The following GOLGA5 variants were observed in gnomAD, a reference collection of about 807,000 sequenced individuals.
GOLGA5 encodes the protein golgin A5.
Under a neutral mutation model 93.5 loss-of-function variants are expected in GOLGA5, and 50 were observed. The observed-to-expected ratio is 0.53, with a 90% CI of 0.43 to 0.68. GOLGA5 has a LOEUF of 0.68. Among genes scored for constraint, GOLGA5 ranks in the 30% least tolerant of loss-of-function variants. The pLI is 0.00. For missense variants in GOLGA5, 760 were observed against 856.4 expected, an observed-to-expected ratio of 0.89 and a Z score of 1.40; for synonymous variants, 312 against 304.5, an observed-to-expected ratio of 1.02 and a Z score of -0.26.
Position 92,838,608 on chromosome 14 carries a change from C to T in GOLGA5, c.2116-758C>T, listed in dbSNP as rs563882905. 7.2e-5 allele frequency among the ~76,000 whole-genome samples: 11 copies of T among 152,190 alleles called. No individual in the cohort carries two copies. In the South Asian group the frequency reaches 1.5e-3, roughly 20 times the overall value. ...CTCAAACTCCTGACCTTGAGTAATC[C>T]GCCCTCTTCGGCCTCCCAAAGTGCT... is the stretch of plus-strand genomic sequence containing the variant. On this transcript the variant is annotated intron_variant, in intron 12 of 12. Transcript: ENST00000163416.
intron 5 of GOLGA5, 26 bp from the exon 6 acceptor site, chr14:92,811,525 A>T: frequency 1.4e-6 from 2 of 1,398,624 alleles, no homozygotes; most frequent in Non-Finnish European, 2.0e-6. Context: ...TGATATCATT[A>T]ATTATGATAT....
chr14:92,809,299 G>T lies in GOLGA5; in HGVS notation c.773-1G>T. The T allele has an allele frequency of 6.3e-7, 1 of 1,597,444 alleles. No homozygotes were observed. The highest frequency in any genetic ancestry group is 1.1e-5 in the South Asian group (1 of 90,636). On this transcript the variant is annotated splice_acceptor_variant, in intron 3 of 12. Transcript: ENST00000163416. LOFTEE classifies it high-confidence loss of function. ...ATAGAGAAATTTAAATTTTTTAATA[G>T]AATTAAACAAAGCAAGAGCAAGAGT...
intron 1 of GOLGA5, among the ~76,000 whole-genome samples, chr14:92,796,410 G>A (rs1335571918): frequency 6.6e-6 from 1 of 152,114 alleles, no homozygotes; most frequent in African/African-American, 2.4e-5. Flanking sequence ...GGCAGAGTTG[G>A]TTTCTTCTGA....
At chr14:92,795,811 A>C (rs1348168023) in intron 1 of GOLGA5, among the ~76,000 whole-genome samples, 1 of 152,256 alleles carries the variant, frequency 6.6e-6, no homozygotes, top group Non-Finnish European at 1.5e-5. Flanking sequence ...GACCTAACTT[A>C]GCTGGAAAGG....
At chr14:92,820,234 A>G (rs1348246301) in intron 8 of GOLGA5, among the ~76,000 whole-genome samples, 2 of 152,246 alleles carry the variant, frequency 1.3e-5, no homozygotes, top group African/African-American at 4.8e-5. Context: ...GAAGGTCAGC[A>G]AGAAAACATG....
intron 8 of GOLGA5, 67 bp downstream of exon 8, chr14:92,819,903 G>GGAAA: frequency 1.3e-6 from 2 of 1,515,832 alleles, no homozygotes; most frequent in Non-Finnish European, 9.0e-7. Context: ...AGACCTCCCA[G>GGAAA]GAAAGCAGCT....
At chr14:92,802,567 A>G (rs1884896347) in intron 2 of GOLGA5, among the ~76,000 whole-genome samples, 3 of 152,062 alleles carry the variant, frequency 2.0e-5, no homozygotes, top group Admixed American at 1.3e-4. Flanking sequence ...ACTAAGTATG[A>G]TTTTACATTA....
Position 92,824,526 on chromosome 14 carries a change from G to T in GOLGA5, c.1621-20G>T. ...GGGACACTTATTTCGCTTCTGTTTTGTTTGTGCCTCACTTTGCAGGAGTTC... is the reference window on the plus strand; with the variant it reads ...GGGACACTTATTTCGCTTCTGTTTTTTTTGTGCCTCACTTTGCAGGAGTTC... On this transcript the variant is annotated intron_variant, in intron 8 of 12. Transcript: ENST00000163416. 7.5e-7 allele frequency: 1 copy of T among 1,332,202 alleles called. No individual in the cohort carries two copies. The highest frequency in any genetic ancestry group is 1.1e-6 in the Non-Finnish European group (1 of 931,694). The allele number at this position is 1,332,202 out of a possible 1,614,324, so 82.5% of individuals were successfully genotyped here.
At chr14:92,800,812 G>A (rs1027798393) in intron 2 of GOLGA5, among the ~76,000 whole-genome samples, 9 of 152,166 alleles carry the variant, frequency 5.9e-5, no homozygotes, top group African/African-American at 1.7e-4. Context: ...GCTTATTTTT[G>A]TACTTTTAAA....
chr14:92,808,257 C>T (rs963730261), intron 3 of GOLGA5, among the ~76,000 whole-genome samples: 1 of 151,792 alleles, frequency 6.6e-6, no homozygotes, highest in African/African-American at 2.4e-5. Context: ...ACAACAACAA[C>T]AACAACAACA....
intron 9 of GOLGA5, among the ~76,000 whole-genome samples, chr14:92,830,421 G>A (rs1002933059): frequency 7.2e-6 from 1 of 138,890 alleles, no homozygotes; most frequent in Non-Finnish European, 1.6e-5. Flanking sequence ...TTTTTTTTTA[G>A]CTTATCAGAT....
rs781111687 is a variant in GOLGA5, at chr14:92,819,794, A to G, written c.1578A>G (p.Ala526=). 19 of 1,614,020 alleles carry G rather than the reference A, an allele frequency of 1.2e-5. No individual in the cohort carries two copies. Residue 526 remains alanine, a synonymous_variant, in exon 8 of 13, where the codon GCA becomes GCG. Coordinates refer to ENST00000163416, the MANE Select transcript of GOLGA5 (RefSeq NM_005113.4). ...ATGACCAAATAGCTGGGCAGAAAGC[A>G]TCCAAACAAGAACTAGAGACAGAAC... The part of the protein sequence containing the change: ...DLHDQIAGQK[A]SKQELETELE...
chr14:92,819,531 C>T (rs906962465), intron 7 of GOLGA5, among the ~76,000 whole-genome samples, 177 bp from the exon 8 acceptor site: 2 of 151,636 alleles, frequency 1.3e-5, no homozygotes, highest in African/African-American at 4.8e-5. Flanking sequence ...ACTCGGGAGG[C>T]TGATGTGGGA....
intron 9 of GOLGA5, among the ~76,000 whole-genome samples, chr14:92,832,329 A>T (rs539955311): frequency 6.6e-6 from 1 of 152,222 alleles, no homozygotes; most frequent in African/African-American, 2.4e-5. Context: ...GCTGTAAGGG[A>T]TTTATAAGAA....
At position 92,797,961 on chromosome 14, in the gene GOLGA5, C is replaced by T; in HGVS notation, c.524C>T (p.Ser175Phe). 1 of 1,585,268 alleles carries T rather than the reference C, an allele frequency of 6.3e-7. No homozygotes were observed. The highest frequency in any genetic ancestry group is 1.9e-5 in the Admixed American group (1 of 51,766). Residue 175 changes from serine to phenylalanine, a missense_variant, in exon 2 of 13, where the codon TCT becomes TTT. Coordinates refer to ENST00000163416, the MANE Select transcript of GOLGA5 (RefSeq NM_005113.4). ...VTTIKTIEEN[S>F]FGSQTHEAAS... ...ACCATCAAAACCATTGAAGAAAATT[C>T]TTTTGGGAGCCAAACCCACGGTAGT...
At chr14:92,818,198 T>C (rs768214790) in intron 7 of GOLGA5, among the ~76,000 whole-genome samples, 1 of 152,196 alleles carries the variant, frequency 6.6e-6, no homozygotes, top group Non-Finnish European at 1.5e-5. Flanking sequence ...TCTCAAAATT[T>C]ATGCAATGTA....
chr14:92,834,962 G>T (rs531666723), intron 10 of GOLGA5, among the ~76,000 whole-genome samples: 1 of 152,364 alleles, frequency 6.6e-6, no homozygotes, highest in Non-Finnish European at 1.5e-5. Flanking sequence ...GACAGAATAT[G>T]TTGGCAGATG....
intron 1 of GOLGA5, among the ~76,000 whole-genome samples, chr14:92,796,215 T>C (rs980186393): frequency 2.0e-5 from 3 of 152,262 alleles, no homozygotes; most frequent in Admixed American, 1.3e-4. Flanking sequence ...TTTAGCACTT[T>C]AAAACAAACT....
intron 7 of GOLGA5, 106 bp downstream of exon 7, chr14:92,816,527 T>TCTTCA (rs1555405165): frequency 4.2e-5 from 29 of 691,278 alleles, no homozygotes; most frequent in Admixed American, 5.7e-5. Context: ...TTCTCGCTTC[T>TCTTCA]CTTCGCTTCG....
Sources: allele counts gnomAD v4.1 joint callset (sites outside exome capture counted in the v4.1 genomes callset), GRCh38; gene constraint gnomAD v4.1.1; transcripts MANE v1.5; gene names NCBI Gene and HGNC (gene_info 2026-07-23, HGNC 2026-07-21).